The following GSE1 variants were observed in gnomAD, a reference collection of about 807,000 sequenced individuals.
GSE1 encodes genetic suppressor element 1.
In GSE1, 32 loss-of-function variants were observed where a neutral mutation model predicts 112.6. That is an observed-to-expected ratio of 0.28 (90% CI 0.21 to 0.38). The LOEUF (loss-of-function observed/expected upper bound fraction) is 0.38. Among genes scored for constraint, GSE1 ranks in the 10% least tolerant of loss-of-function variants. The probability of loss-of-function intolerance (pLI) is 1.00; values close to 1 mark genes in which losing one functional copy is unlikely to be tolerated. For missense variants in GSE1, 2,348 were observed against 1,699.2 expected, an observed-to-expected ratio of 1.38 and a Z score of -6.71; for synonymous variants, 1,115 against 735.6, an observed-to-expected ratio of 1.52 and a Z score of -8.35.
At chr16:85,291,617 G>A (rs536136597) in intron 1 of GSE1, among the ~76,000 whole-genome samples, 5 of 152,302 alleles carry the variant, frequency 3.3e-5, no homozygotes, top group South Asian at 4.1e-4. Context: ...GCTGGGCCTC[G>A]TCCCCGCCCT....
chr16:85,316,883 C>T (rs923341639), intron 1 of GSE1, among the ~76,000 whole-genome samples: 3 of 152,162 alleles, frequency 2.0e-5, no homozygotes, highest in Non-Finnish European at 4.4e-5. Context: ...GCACAGGGTA[C>T]GGCCTCAAAG....
rs926374523 is a variant in GSE1 at position 85,582,592 on chromosome 16, G to C, written c.37+26229G>C. ...TCCTCCCTCTGGTGGTCCTCAGTCA[G>C]CACTGGTGGCATCCCCAGAGCTGAC... On this transcript the variant is annotated intron_variant, in intron 1 of 2. Coordinates refer to the GSE1 transcript ENST00000635906. Among the ~76,000 whole-genome samples, 3 of 152,166 alleles carry C rather than the reference G, an allele frequency of 2.0e-5. No homozygotes were observed. The East Asian group carries it at 5.8e-4, about 29-fold the overall frequency.
At chr16:85,654,213 G>C in intron 3 of GSE1, 65 bp from the exon 4 acceptor site, 1 of 1,439,662 alleles carries the variant, frequency 6.9e-7, no homozygotes, top group Non-Finnish European at 9.5e-7. Context: ...AGGAGACCTG[G>C]CTGTGTCCTG....
At chr16:85,172,040 G>T (rs961190116) in intron 1 of GSE1, among the ~76,000 whole-genome samples, 1 of 152,228 alleles carries the variant, frequency 6.6e-6, no homozygotes, top group Non-Finnish European at 1.5e-5. Flanking sequence ...GGGATCAGGA[G>T]TGGTCTTAGG....
intron 1 of GSE1, among the ~76,000 whole-genome samples, chr16:85,601,241 C>A (rs1349491635): frequency 1.3e-5 from 2 of 151,798 alleles, no homozygotes; most frequent in Non-Finnish European, 2.9e-5. Context: ...GGGAAATAGA[C>A]CCCAGAGGCA....
intron 1 of GSE1, among the ~76,000 whole-genome samples, chr16:85,325,635 A>G (rs1343857048): frequency 6.6e-6 from 1 of 151,910 alleles, no homozygotes; most frequent in Non-Finnish European, 1.5e-5. Context: ...TATTTTTAGT[A>G]GAGACGGCAT....
At chr16:85,524,109 TG>T (rs2151163179) in intron 2 of GSE1, among the ~76,000 whole-genome samples, 1 of 152,282 alleles carries the variant, frequency 6.6e-6, no homozygotes, top group South Asian at 2.1e-4. Flanking sequence ...GGCCCAGGTC[TG>T]GGGGCCGGTG....
intron 2 of GSE1, among the ~76,000 whole-genome samples, chr16:85,437,051 G>A (rs577798089): frequency 1.5e-4 from 23 of 152,344 alleles, no homozygotes; most frequent in Non-Finnish European, 2.9e-4. Flanking sequence ...AGCAGATGGC[G>A]GGGGCGGGGG....
Position 85,648,688 on chromosome 16 carries a change from C to G in GSE1, c.363C>G (p.Pro121=), listed in dbSNP as rs564482434. The G allele has an allele frequency of 6.2e-7, 1 of 1,608,752 alleles. No homozygotes were observed. The highest frequency in any genetic ancestry group is 2.2e-5 in the East Asian group (1 of 44,574). Residue 121 remains proline, a synonymous_variant, in exon 3 of 16, where the codon CCC becomes CCG. Coordinates refer to ENST00000253458, the MANE Select transcript of GSE1 (RefSeq NM_014615.5). ...PPGGHSVPST[P]PVVTIAPTKT... ...GGGGCCACAGCGTGCCCAGCACCCCCCCCGTGGTGACCATCGCTCCAACCA... is the reference window on the plus strand; with the variant it reads ...GGGGCCACAGCGTGCCCAGCACCCCGCCCGTGGTGACCATCGCTCCAACCA...
At chr16:85,376,158 A>G (rs1051242283) in intron 2 of GSE1, among the ~76,000 whole-genome samples, 3 of 152,082 alleles carry the variant, frequency 2.0e-5, no homozygotes, top group Non-Finnish European at 4.4e-5. Flanking sequence ...CCCCAGCCCA[A>G]ACAAGCTCTG....
At chr16:85,228,166 T>C (rs2075521140) in intron 1 of GSE1, among the ~76,000 whole-genome samples, 1 of 152,096 alleles carries the variant, frequency 6.6e-6, no homozygotes, top group African/African-American at 2.4e-5. Flanking sequence ...CAGCGCTGAG[T>C]CCCGGCCCCC....
At chr16:85,314,798 A>G (rs1167221919) in intron 1 of GSE1, among the ~76,000 whole-genome samples, 1 of 152,058 alleles carries the variant, frequency 6.6e-6, no homozygotes, top group East Asian at 1.9e-4. Flanking sequence ...GGGCAGGCCC[A>G]GGAGAGGTCT....
chr16:85,630,476 ACGCATGTGT>A (rs549367502), intron 1 of GSE1, among the ~76,000 whole-genome samples: 62 of 152,262 alleles, frequency 4.1e-4, no homozygotes, highest in African/African-American at 1.4e-3. Flanking sequence ...GATTACAGGT[ACGCATGTGT>A]CGTTTCAGGG....
intron 1 of GSE1, among the ~76,000 whole-genome samples, chr16:85,298,210 C>G (rs1318545288): frequency 6.6e-6 from 1 of 152,162 alleles, no homozygotes; most frequent in Non-Finnish European, 1.5e-5. Context: ...TGATGCAATG[C>G]TGCTGTTGGT....
chr16:85,435,749 C>T (rs2049232988), intron 2 of GSE1, among the ~76,000 whole-genome samples: 1 of 152,230 alleles, frequency 6.6e-6, no homozygotes, highest in African/African-American at 2.4e-5. Context: ...AGCTCTGTGA[C>T]TCCATCCCTG....
chr16:85,666,415 C>T (rs1388781563), intron 13 of GSE1, 68 bp downstream of exon 13: 1 of 1,521,732 alleles, frequency 6.6e-7, no homozygotes, highest in South Asian at 1.1e-5. Flanking sequence ...TGCTGAGCGC[C>T]ACAGCTGCTC....
At chr16:85,609,072 C>T (rs867739625), upstream of GSE1, among the ~76,000 whole-genome samples, 1 of 152,188 alleles carries the variant, frequency 6.6e-6, no homozygotes, top group South Asian at 2.1e-4. Context: ...TCACGGGTGG[C>T]GCCCGCACCC....
intron 1 of GSE1, chr16:85,592,682 G>A (rs2047052642): frequency 6.6e-6 from 1 of 152,266 alleles, no homozygotes; most frequent in African/African-American, 2.4e-5. Flanking sequence ...TCCACCCAGA[G>A]CTTGGCGTTT....
chr16:85,522,079 G>C (rs542957166), intron 2 of GSE1, among the ~76,000 whole-genome samples: 1 of 152,316 alleles, frequency 6.6e-6, no homozygotes, highest in African/African-American at 2.4e-5. Flanking sequence ...AAGCCAGGCA[G>C]GCATATCTGG....
Sources: gnomAD v4.1 joint callset for allele counts (sites outside exome capture counted in the v4.1 genomes callset) on GRCh38, gnomAD v4.1.1 for gene constraint, MANE v1.5 for transcripts, NCBI Gene and HGNC (gene_info 2026-07-23, HGNC 2026-07-21) for gene names.